The following SLC11A2 variants were observed in gnomAD, a reference collection of about 807,000 sequenced individuals.
SLC11A2 encodes the protein solute carrier family 11 member 2.
In SLC11A2, 38 loss-of-function variants were observed where a neutral mutation model predicts 68.0. The observed-to-expected ratio is 0.56, with a 90% CI of 0.43 to 0.73. SLC11A2 has a LOEUF of 0.73. SLC11A2 is among the 30% of genes least tolerant of loss of function. The pLI, the probability that SLC11A2 is intolerant of heterozygous loss-of-function variation, is 0.00. For synonymous variants in SLC11A2, 242 were observed against 250.6 expected (o/e 0.97, Z 0.32); for missense variants, 517 against 690.5 (o/e 0.75, Z 2.82).
At chr12:50,993,431 G>A (rs1400967514) in intron 11 of SLC11A2, among the ~76,000 whole-genome samples, 1 of 152,008 alleles carries the variant, frequency 6.6e-6, no homozygotes, top group Non-Finnish European at 1.5e-5. Context: ...GGTGGCTCAC[G>A]CTTGTAATCC....
chr12:51,027,196 C>T (rs1349728932), upstream of SLC11A2, among the ~76,000 whole-genome samples: 1 of 150,374 alleles, frequency 6.7e-6, no homozygotes, highest in Non-Finnish European at 1.5e-5. Flanking sequence ...AAAAATTAGC[C>T]AGGCATCACG....
chr12:50,980,170 G>A (rs1939941011), downstream of SLC11A2: 1 of 352,248 alleles, frequency 2.8e-6, no homozygotes, highest in Non-Finnish European at 5.6e-6. Context: ...AAGTTGCAGT[G>A]AGCTGAGATC....
At chr12:50,997,657 G>A (rs2136226367) in intron 8 of SLC11A2, among the ~76,000 whole-genome samples, 1 of 105,142 alleles carries the variant, frequency 9.5e-6, no homozygotes, top group Non-Finnish European at 1.7e-5. Context: ...TCCAGCATAG[G>A]CAATAGTGTG....
chr12:51,009,023 C>G, intron 2 of SLC11A2: 1 of 773,442 alleles, frequency 1.3e-6, no homozygotes, highest in Non-Finnish European at 2.2e-6. Flanking sequence ...CCCAGACCAG[C>G]TCCTGGTAAC....
rs951555690 is a variant in SLC11A2 at position 51,004,773 on chromosome 12, C to T, written c.429+15G>A. On this transcript the variant is annotated intron_variant, in intron 5 of 15. Coordinates refer to ENST00000262052, the MANE Select transcript of SLC11A2 (RefSeq NM_000617.3). ...TGGCATGGGTGAGAGACAAACAGGACAATACATTGCTCACCTTGGGATACT... is the reference window on the plus strand; with the variant it reads ...TGGCATGGGTGAGAGACAAACAGGATAATACATTGCTCACCTTGGGATACT... 6.2e-7 allele frequency: 1 copy of T among 1,613,390 alleles called. No individual in the cohort carries two copies. The highest frequency in any genetic ancestry group is 8.5e-7 in the Non-Finnish European group (1 of 1,179,624).
At chr12:51,026,792 A>G (rs185416658), upstream of SLC11A2, among the ~76,000 whole-genome samples, 2 of 151,974 alleles carry the variant, frequency 1.3e-5, no homozygotes, top group East Asian at 1.9e-4. Context: ...GCACTTTGGG[A>G]GACCGAGGCG....
the SLC11A2 span, among the ~76,000 whole-genome samples, chr12:50,961,550 T>C: frequency 6.6e-6 from 1 of 152,224 alleles, no homozygotes; most frequent in Non-Finnish European, 1.5e-5. Context: ...GCCTTCTTCT[T>C]TCCTTCCAAG....
the SLC11A2 span, among the ~76,000 whole-genome samples, chr12:50,971,659 T>C: frequency 6.6e-6 from 1 of 152,174 alleles, no homozygotes; most frequent in Non-Finnish European, 1.5e-5. Flanking sequence ...ATAACTGCCT[T>C]GACTTAAGCT....
chr12:51,024,757 A>C (rs1428159454), intron 1 of SLC11A2: 1 of 152,238 alleles, frequency 6.6e-6, no homozygotes, highest in Non-Finnish European at 1.5e-5. Flanking sequence ...TTGTAGAGTA[A>C]TCCAAGGGAC....
At chr12:51,027,268 G>C (rs937690408), upstream of SLC11A2, among the ~76,000 whole-genome samples, 1 of 152,078 alleles carries the variant, frequency 6.6e-6, no homozygotes, top group African/African-American at 2.4e-5. Context: ...GGGCCTGGGA[G>C]GTGGAGGCTG....
chr12:51,010,608 A>G, intron 2 of SLC11A2, 87 bp downstream of exon 2: 1 of 785,640 alleles, frequency 1.3e-6, no homozygotes. Flanking sequence ...ACAGATGATG[A>G]CAAGAGGAAA....
At chr12:51,000,652 G>A in intron 5 of SLC11A2, 1 of 591,146 alleles carries the variant, frequency 1.7e-6, no homozygotes, top group East Asian at 2.8e-5. Context: ...GAAGGTCAAG[G>A]CAGTAATTGA....
At chr12:50,988,555 T>C (rs1198857025) in intron 15 of SLC11A2, 120 bp from the exon 16 acceptor site, 22 of 1,499,114 alleles carry the variant, frequency 1.5e-5, no homozygotes, top group Non-Finnish European at 2.0e-5. Context: ...GCCCATCTTC[T>C]ACCACCAAGG....
intron 12 of SLC11A2, 78 bp from the exon 13 acceptor site, chr12:50,992,417 T>C: frequency 7.5e-7 from 1 of 1,340,544 alleles, no homozygotes; most frequent in Non-Finnish European, 1.1e-6. Context: ...AGGAGAGACC[T>C]CAGAAGAATG....
chr12:50,977,262 T>A (rs1592279398), downstream of SLC11A2, among the ~76,000 whole-genome samples: 1 of 152,170 alleles, frequency 6.6e-6, no homozygotes, highest in East Asian at 1.9e-4. Context: ...CAGGCTACAG[T>A]AACCAAAACA....
chr12:50,953,190 T>A, the SLC11A2 span, among the ~76,000 whole-genome samples: 1 of 152,192 alleles, frequency 6.6e-6, no homozygotes, highest in African/African-American at 2.4e-5. Context: ...AACAAACACC[T>A]GTTCTGATCT....
chr12:50,986,647 TCA>T lies in SLC11A2; in HGVS notation c.*1676_*1677del, dbSNP rs1940592595. The T allele has an allele frequency of 8.5e-6, 11 of 1,286,752 alleles. No homozygotes were observed. The highest frequency in any genetic ancestry group is 2.3e-5 in the Admixed American group (1 of 43,480). 79.7% of individuals were successfully genotyped at this position (1,286,752 alleles called of 1,614,324 possible). On this transcript the variant is annotated 3_prime_UTR_variant, in exon 16 of 16. Transcript: ENST00000262052. The stretch of plus-strand genomic sequence containing the variant: ...CTTAAGATGTCAGTCCCCAATATCT[TCA>T]CAGAGTGCCTTTATGACCAGTTTGG...
chr12:50,958,942 G>A, the SLC11A2 span, among the ~76,000 whole-genome samples: 7 of 151,292 alleles, frequency 4.6e-5, no homozygotes, highest in Non-Finnish European at 1.0e-4. Flanking sequence ...ACTTAAACCC[G>A]GGAGGCAGAG....
At chr12:50,963,140 C>T in the SLC11A2 span, among the ~76,000 whole-genome samples, 1 of 151,842 alleles carries the variant, frequency 6.6e-6, no homozygotes, top group Non-Finnish European at 1.5e-5. Flanking sequence ...GAGGCCGAGG[C>T]AGGGGTATCA....
Sources: gnomAD v4.1 joint callset for allele counts (sites outside exome capture counted in the v4.1 genomes callset) on GRCh38, gnomAD v4.1.1 for gene constraint, MANE v1.5 for transcripts, NCBI Gene and HGNC (gene_info 2026-07-23, HGNC 2026-07-21) for gene names.